MYOZ2: variants seen among roughly 807,000 people sequenced by gnomAD.
The protein encoded by MYOZ2 is myozenin 2, also known as myozenin-2.
Under a neutral mutation model 25.4 loss-of-function variants are expected in MYOZ2, and 19 were observed. The ratio of observed to expected loss-of-function variants is 0.75; its 90% confidence interval spans 0.52 to 1.10. The LOEUF is 1.10. Ranked by LOEUF, MYOZ2 falls within the 50% of genes least tolerant of loss-of-function variation. MYOZ2 has a pLI of 0.00. For synonymous variants in MYOZ2, 92 were observed against 106.9 expected, an observed-to-expected ratio of 0.86 and a Z score of 0.86; for missense variants, 270 against 317.9, an observed-to-expected ratio of 0.85 and a Z score of 1.15.
intron 2 of MYOZ2, among the ~76,000 whole-genome samples, chr4:119,150,309 AT>A (rs1237768504): frequency 3.3e-5 from 5 of 152,166 alleles, no homozygotes; most frequent in Admixed American, 1.3e-4. Flanking sequence ...TAGGTAAGAA[AT>A]TAATATAAAT....
intron 2 of MYOZ2, among the ~76,000 whole-genome samples, chr4:119,148,556 C>T (rs1168826686): frequency 2.0e-5 from 3 of 151,976 alleles, no homozygotes; most frequent in South Asian, 2.1e-4. Flanking sequence ...CTATTTTTCT[C>T]TGTGTTGGTC....
intron 5 of MYOZ2, among the ~76,000 whole-genome samples, chr4:119,166,654 G>A (rs1470386002): frequency 1.3e-5 from 2 of 151,966 alleles, no homozygotes; most frequent in South Asian, 2.1e-4. Flanking sequence ...TACTCTTCTT[G>A]GCAGATACTG....
chr4:119,152,074 G>C (rs1000984223), intron 3 of MYOZ2, among the ~76,000 whole-genome samples: 1 of 152,056 alleles, frequency 6.6e-6, no homozygotes, highest in African/African-American at 2.4e-5. Context: ...AACAGAAAAT[G>C]TTGAGAGGAC....
In MYOZ2 at chr4:119,150,889, C is replaced by T. The variant is rs1741432598; in HGVS notation, c.94C>T (p.Leu32=). 6.2e-7 allele frequency: 1 copy of T among 1,613,608 alleles called. No individual in the cohort carries two copies. Among genetic ancestry groups the T allele is most frequent in the Non-Finnish European group, 8.5e-7 (1 of 1,179,844 alleles). The change falls in exon 3 of 6, where the codon CTG becomes TTG. Residue 32 remains leucine (L), a synonymous_variant. Transcript: ENST00000307128. ...VHGNDVDGMD[L]GKKVSIPRDI... The stretch of plus-strand genomic sequence containing the variant: ...TTTTACAGATGTTGATGGCATGGAC[C>T]TGGGCAAAAAGGTCAGCATCCCCAG...
In MYOZ2 at chr4:119,183,373, G is replaced by C. The variant is rs1424216034; in HGVS notation, c.561-2593G>C. Among the ~76,000 whole-genome samples, 4 of 152,022 alleles carry C rather than the reference G, an allele frequency of 2.6e-5. No homozygotes were observed. In the East Asian group the frequency reaches 7.8e-4, roughly 29 times the overall value. On this transcript the variant is annotated intron_variant, in intron 5 of 5. Coordinates refer to ENST00000307128, the MANE Select transcript of MYOZ2 (RefSeq NM_016599.5). ...GTTAAGTATGAATTAGGGCTTAAAG[G>C]GGATTTAGAAACGCAGTTGTAAATA...
chr4:119,174,085 G>C (rs879879035), intron 5 of MYOZ2, among the ~76,000 whole-genome samples: 7 of 152,148 alleles, frequency 4.6e-5, no homozygotes, highest in Non-Finnish European at 8.8e-5. Context: ...CCATGGGCTC[G>C]TGGGCCGCCT....
At chr4:119,174,553 CCTTTGTGTCCATACT>C (rs1019849194) in intron 5 of MYOZ2, among the ~76,000 whole-genome samples, 1 of 152,098 alleles carries the variant, frequency 6.6e-6, no homozygotes, top group African/African-American at 2.4e-5. Flanking sequence ...CCTTGGAGAA[CCTTTGTGTCCATACT>C]CTGTATCTAA....
intron 2 of MYOZ2, among the ~76,000 whole-genome samples, chr4:119,142,195 T>C (rs1444374139): frequency 6.6e-6 from 1 of 152,198 alleles, no homozygotes; most frequent in East Asian, 1.9e-4. Context: ...AAATTCAAGC[T>C]ACCACCATGG....
intron 2 of MYOZ2, among the ~76,000 whole-genome samples, chr4:119,136,886 A>C (rs973472416): frequency 1.3e-5 from 2 of 149,256 alleles, no homozygotes; most frequent in Non-Finnish European, 3.0e-5. Context: ...ATTATAAGTT[A>C]AGATCACTCT....
intron 3 of MYOZ2, 104 bp downstream of exon 3, chr4:119,151,145 A>G: frequency 4.9e-6 from 6 of 1,227,424 alleles, no homozygotes; most frequent in South Asian, 2.7e-5. Context: ...TTTTCTTTCA[A>G]TTTATTCTGT....
At chr4:119,169,314 A>G (rs1277776352) in intron 5 of MYOZ2, among the ~76,000 whole-genome samples, 1 of 152,212 alleles carries the variant, frequency 6.6e-6, no homozygotes, top group Non-Finnish European at 1.5e-5. Flanking sequence ...GTGATACTCT[A>G]TTGCAGTGGT....
chr4:119,172,818 G>A (rs911574586), intron 5 of MYOZ2, among the ~76,000 whole-genome samples: 1 of 152,220 alleles, frequency 6.6e-6, no homozygotes, highest in African/African-American at 2.4e-5. Flanking sequence ...AGGAAAGGAA[G>A]AGGAACAGCT....
chr4:119,183,223 T>C (rs1187420326), intron 5 of MYOZ2, among the ~76,000 whole-genome samples: 1 of 151,808 alleles, frequency 6.6e-6, no homozygotes, highest in Non-Finnish European at 1.5e-5. Flanking sequence ...AAGGCAGACA[T>C]ACAAATGGAT....
At chr4:119,168,707 C>CA (rs1285789242) in intron 5 of MYOZ2, among the ~76,000 whole-genome samples, 4 of 150,286 alleles carry the variant, frequency 2.7e-5, no homozygotes, top group Non-Finnish European at 5.9e-5. Flanking sequence ...ACAACAACAA[C>CA]AACAAAAAAC....
chr4:119,142,040 T>C (rs1741167595), intron 2 of MYOZ2, among the ~76,000 whole-genome samples: 2 of 152,218 alleles, frequency 1.3e-5, no homozygotes, highest in South Asian at 4.1e-4. Context: ...TATTTGTTTA[T>C]GCAATACATC....
intron 4 of MYOZ2, among the ~76,000 whole-genome samples, chr4:119,162,883 T>G (rs2149224805): frequency 6.6e-6 from 1 of 152,314 alleles, no homozygotes; most frequent in South Asian, 2.1e-4. Flanking sequence ...GCAGAATATA[T>G]TAGAAAATGG....
chr4:119,139,676 G>T (rs1459396773), intron 2 of MYOZ2, among the ~76,000 whole-genome samples: 2 of 152,116 alleles, frequency 1.3e-5, no homozygotes, highest in African/African-American at 2.4e-5. Context: ...GAAATGCTGG[G>T]GGAAAGGAAT....
At chr4:119,168,635 A>C (rs1367299111) in intron 5 of MYOZ2, among the ~76,000 whole-genome samples, 4 of 151,984 alleles carry the variant, frequency 2.6e-5, no homozygotes, top group African/African-American at 9.7e-5. Flanking sequence ...CTAGAAGTGG[A>C]GTGTGGAGAT....
chr4:119,184,046 C>T (rs144052782), intron 5 of MYOZ2, among the ~76,000 whole-genome samples: 1,949 of 152,204 alleles, frequency 0.013, 18 homozygotes, highest in Non-Finnish European at 0.02. Flanking sequence ...AACTCCCGAC[C>T]TCAGGTGATC....
Sources: gnomAD v4.1 joint callset for allele counts (sites outside exome capture counted in the v4.1 genomes callset) on GRCh38, gnomAD v4.1.1 for gene constraint, MANE v1.5 for transcripts, NCBI Gene and HGNC (gene_info 2026-07-23, HGNC 2026-07-21) for gene names.